The following CTNND2 variants were observed in gnomAD, a reference collection of about 807,000 sequenced individuals.
CTNND2 encodes the protein catenin delta-2.
In CTNND2, 22 loss-of-function variants were observed where a neutral mutation model predicts 144.4. The ratio of observed to expected loss-of-function variants is 0.15; its 90% CI spans 0.11 to 0.22. The LOEUF (loss-of-function observed/expected upper bound fraction) is 0.22. CTNND2 is among the 10% of genes least tolerant of loss of function. The pLI is 1.00. For synonymous variants in CTNND2, 751 were observed against 695.6 expected, an observed-to-expected ratio of 1.08 and a Z score of -1.25; for missense variants, 1,353 against 1,618.8, an observed-to-expected ratio of 0.84 and a Z score of 2.82.
intron 1 of CTNND2, among the ~76,000 whole-genome samples, chr5:11,799,232 T>C (rs936976422): frequency 2.0e-5 from 3 of 152,226 alleles, no homozygotes; most frequent in African/African-American, 7.2e-5. Flanking sequence ...ATGACCATTT[T>C]CTACTTCACT....
intron 16 of CTNND2, among the ~76,000 whole-genome samples, chr5:11,042,934 T>C (rs1443077908): frequency 6.6e-6 from 1 of 152,206 alleles, no homozygotes; most frequent in African/African-American, 2.4e-5. Flanking sequence ...GGAGGTAATC[T>C]TCTTTCTTAG....
intron 7 of CTNND2, among the ~76,000 whole-genome samples, chr5:11,379,407 T>C (rs975666189): frequency 2.0e-5 from 3 of 152,320 alleles, no homozygotes; most frequent in East Asian, 1.9e-4. Flanking sequence ...ATCACATCCC[T>C]GTCATTTCTA....
chr5:11,735,974 G>T (rs1787660970), intron 1 of CTNND2, among the ~76,000 whole-genome samples: 1 of 151,948 alleles, frequency 6.6e-6, no homozygotes, highest in South Asian at 2.1e-4. Flanking sequence ...ACATTTTATT[G>T]GGCCCATGCT....
At position 11,277,082 on chromosome 5, in the gene CTNND2, C is replaced by T. The variant is rs545370332; in HGVS notation, c.1629-40259G>A. Among the ~76,000 whole-genome samples, 194 of 152,248 alleles carry T rather than the reference C, an allele frequency of 1.3e-3. 1 individual carries two copies. The highest frequency in any genetic ancestry group is 4.3e-3 in the African/African-American group (180 of 41,540). On this transcript the variant is annotated intron_variant, in intron 9 of 21. Coordinates refer to ENST00000304623, the MANE Select transcript of CTNND2 (RefSeq NM_001332.4). The stretch of plus-strand genomic sequence containing the variant: ...CTATATTTTTGAAGAGAAAAAGAAA[C>T]GCATCTAATGAAAATTCTCCCTTAC...
intron 16 of CTNND2, among the ~76,000 whole-genome samples, chr5:11,075,792 A>G (rs538944603): frequency 6.6e-6 from 1 of 152,372 alleles, no homozygotes; most frequent in East Asian, 1.9e-4. Flanking sequence ...CCACAGTGGC[A>G]GCAGAATGAG....
chr5:11,634,084 C>T (rs1310057440), intron 2 of CTNND2, among the ~76,000 whole-genome samples: 1 of 152,130 alleles, frequency 6.6e-6, no homozygotes, highest in Non-Finnish European at 1.5e-5. Context: ...ATCCAGCCAC[C>T]CCAATTTCAC....
intron 16 of CTNND2, among the ~76,000 whole-genome samples, chr5:11,033,673 A>AC (rs1421406266): frequency 6.6e-6 from 1 of 151,918 alleles, no homozygotes; most frequent in Admixed American, 6.6e-5. Context: ...TACTAAAAAT[A>AC]AAAAAAATTA....
At chr5:11,362,153 T>C (rs1431312677) in intron 8 of CTNND2, among the ~76,000 whole-genome samples, 1 of 152,100 alleles carries the variant, frequency 6.6e-6, no homozygotes, top group Non-Finnish European at 1.5e-5. Flanking sequence ...GTCTCCAGGG[T>C]AGCGGTATGT....
intron 2 of CTNND2, among the ~76,000 whole-genome samples, chr5:11,585,861 G>T (rs1778820598): frequency 6.6e-6 from 1 of 152,092 alleles, no homozygotes; most frequent in Non-Finnish European, 1.5e-5. Flanking sequence ...GAAAGGAGGG[G>T]CTAGGACGGT....
At chr5:11,319,839 T>C (rs1275416213) in intron 9 of CTNND2, among the ~76,000 whole-genome samples, 1 of 152,084 alleles carries the variant, frequency 6.6e-6, no homozygotes, top group African/African-American at 2.4e-5. Flanking sequence ...TCTACAGTTA[T>C]CTGTATTTTT....
intron 16 of CTNND2, among the ~76,000 whole-genome samples, chr5:11,068,789 C>T (rs867899737): frequency 5.9e-5 from 9 of 152,128 alleles, no homozygotes; most frequent in Admixed American, 2.0e-4. Flanking sequence ...TGGTGGCGGG[C>T]GCCTGTAGTC....
chr5:11,643,084 T>G (rs1213962668), intron 2 of CTNND2, among the ~76,000 whole-genome samples: 1 of 152,220 alleles, frequency 6.6e-6, no homozygotes, highest in Non-Finnish European at 1.5e-5. Context: ...GATCTTCAGT[T>G]ATAATCTATG....
intron 2 of CTNND2, among the ~76,000 whole-genome samples, chr5:11,616,223 A>G (rs1780572954): frequency 6.6e-6 from 1 of 152,170 alleles, no homozygotes; most frequent in South Asian, 2.1e-4. Flanking sequence ...TACAAAAATG[A>G]TCACTTTTTA....
At chr5:11,733,592 TAA>T (rs1787515566) in intron 1 of CTNND2, among the ~76,000 whole-genome samples, 3 of 152,094 alleles carry the variant, frequency 2.0e-5, no homozygotes, top group Admixed American at 2.0e-4. Context: ...TACCAATAAT[TAA>T]AGAGATACCT....
At chr5:11,468,303 A>G (rs1766855722) in intron 3 of CTNND2, among the ~76,000 whole-genome samples, 1 of 152,222 alleles carries the variant, frequency 6.6e-6, no homozygotes, top group Admixed American at 6.5e-5. Context: ...GATGAAAGCA[A>G]GAGGACAAAA....
At chr5:11,370,525 C>T (rs1757374260) in intron 7 of CTNND2, among the ~76,000 whole-genome samples, 1 of 152,180 alleles carries the variant, frequency 6.6e-6, no homozygotes, top group Non-Finnish European at 1.5e-5. Flanking sequence ...CCACTTAATA[C>T]AGGTTATGCC....
At chr5:11,711,976 T>C (rs1786059144) in intron 2 of CTNND2, among the ~76,000 whole-genome samples, 1 of 152,166 alleles carries the variant, frequency 6.6e-6, no homozygotes, top group Non-Finnish European at 1.5e-5. Flanking sequence ...TTAGTAGGAG[T>C]TCAAACACTG....
intron 21 of CTNND2, among the ~76,000 whole-genome samples, chr5:10,978,882 C>T (rs370352442): frequency 6.6e-6 from 1 of 152,178 alleles, no homozygotes; most frequent in South Asian, 2.1e-4. Context: ...TCGGGATCTG[C>T]TTACGTAAAA....
intron 17 of CTNND2, 22 bp from the exon 18 acceptor site, chr5:11,018,080 A>G (rs759530571): frequency 6.4e-7 from 1 of 1,565,828 alleles, no homozygotes; most frequent in Non-Finnish European, 8.8e-7. Context: ...AAGACAGGAA[A>G]GGCAAGATGT....
Sources: gnomAD v4.1 joint callset for allele counts (sites outside exome capture counted in the v4.1 genomes callset) on GRCh38, gnomAD v4.1.1 for gene constraint, MANE v1.5 for transcripts, NCBI Gene and HGNC (gene_info 2026-07-23, HGNC 2026-07-21) for gene names.